TUSC3: variants seen among roughly 807,000 people sequenced by gnomAD.
TUSC3 encodes the protein dolichyl-diphosphooligosaccharide--protein glycosyltransferase subunit TUSC3.
In TUSC3, 45 loss-of-function variants were observed where a neutral mutation model predicts 44.8. That is an observed-to-expected ratio of 1.00 (90% CI 0.79 to 1.29). The LOEUF is 1.29. TUSC3 is among the 50% of genes most tolerant of loss of function. The probability of loss-of-function intolerance (pLI) is 0.00; values close to 1 mark genes in which losing one functional copy is unlikely to be tolerated. For missense variants in TUSC3, 519 were observed against 437.9 expected (o/e 1.19, Z -1.65); for synonymous variants, 212 against 152.9 (o/e 1.39, Z -2.85).
At chr8:15,465,008 C>A (rs1257653535) in intron 1 of TUSC3, among the ~76,000 whole-genome samples, 1 of 152,118 alleles carries the variant, frequency 6.6e-6, no homozygotes, top group East Asian at 1.9e-4. Context: ...TGCCACCATG[C>A]CCAGCTAATT....
chr8:15,788,520 C>A, the TUSC3 span, among the ~76,000 whole-genome samples: 1 of 143,354 alleles, frequency 7.0e-6, no homozygotes, highest in Non-Finnish European at 1.5e-5. Flanking sequence ...GCACTCCAGC[C>A]TGGGTGACAG....
At chr8:15,585,293 G>T (rs537058479) in intron 1 of TUSC3, among the ~76,000 whole-genome samples, 1 of 152,054 alleles carries the variant, frequency 6.6e-6, no homozygotes, top group East Asian at 1.9e-4. Context: ...CAAGAGAGAG[G>T]TACAGATTTG....
intron 2 of TUSC3, among the ~76,000 whole-genome samples, chr8:15,511,900 A>G (rs1300896346): frequency 6.6e-6 from 1 of 152,046 alleles, no homozygotes; most frequent in Non-Finnish European, 1.5e-5. Context: ...TGAATGGAGC[A>G]TGGATCAGTA....
chr8:15,472,247 C>T (rs1418272547), intron 1 of TUSC3, among the ~76,000 whole-genome samples: 1 of 152,074 alleles, frequency 6.6e-6, no homozygotes, highest in Non-Finnish European at 1.5e-5. Flanking sequence ...TGGTGAGCTT[C>T]CAAAATGTCT....
intron 1 of TUSC3, among the ~76,000 whole-genome samples, chr8:15,541,137 G>A (rs1184088368): frequency 6.6e-6 from 1 of 152,152 alleles, no homozygotes; most frequent in African/African-American, 2.4e-5. Context: ...TATCCTGTAT[G>A]TTTACTTTAC....
intron 6 of TUSC3, among the ~76,000 whole-genome samples, chr8:15,674,673 T>G (rs1299587685): frequency 6.6e-6 from 1 of 151,918 alleles, no homozygotes; most frequent in Admixed American, 6.6e-5. Context: ...CCCATATTTT[T>G]GGGAACATTT....
chr8:15,616,892 C>T (rs1174913209), intron 1 of TUSC3, among the ~76,000 whole-genome samples: 1 of 152,122 alleles, frequency 6.6e-6, no homozygotes, highest in Non-Finnish European at 1.5e-5. Context: ...CATAGAACTG[C>T]AGTTGGCACA....
At chr8:15,826,474 T>A in the TUSC3 span, among the ~76,000 whole-genome samples, 2 of 152,198 alleles carry the variant, frequency 1.3e-5, no homozygotes, top group Non-Finnish European at 2.9e-5. Flanking sequence ...TATATTAATA[T>A]ATTGCAACTA....
At chr8:15,797,601 G>A in the TUSC3 span, among the ~76,000 whole-genome samples, 1 of 152,184 alleles carries the variant, frequency 6.6e-6, no homozygotes, top group Non-Finnish European at 1.5e-5. Context: ...GGAAATTAAA[G>A]AACAGAAGCA....
intron 1 of TUSC3, among the ~76,000 whole-genome samples, chr8:15,438,093 G>A (rs1383733968): frequency 6.6e-6 from 1 of 152,130 alleles, no homozygotes; most frequent in East Asian, 1.9e-4. Flanking sequence ...TGTTGTCGAT[G>A]TGTGTTTTGT....
At chr8:15,800,418 C>T in the TUSC3 span, among the ~76,000 whole-genome samples, 2 of 151,888 alleles carry the variant, frequency 1.3e-5, no homozygotes, top group African/African-American at 4.8e-5. Flanking sequence ...ACAAAAAATA[C>T]ACAAATTAGC....
chr8:15,683,790 GT>G (rs773310344), intron 6 of TUSC3, among the ~76,000 whole-genome samples: 2 of 152,064 alleles, frequency 1.3e-5, no homozygotes, highest in South Asian at 4.1e-4. Context: ...ATTTGCTGTT[GT>G]TTTGTTGGGG....
chr8:15,840,495 A>C, the TUSC3 span, among the ~76,000 whole-genome samples: 3 of 152,208 alleles, frequency 2.0e-5, no homozygotes, highest in Admixed American at 1.3e-4. Context: ...AGGAGTAAAG[A>C]GCCTAGAAAG....
chr8:15,836,676 C>A, the TUSC3 span, among the ~76,000 whole-genome samples: 8 of 152,044 alleles, frequency 5.3e-5, no homozygotes, highest in Non-Finnish European at 1.2e-4. Flanking sequence ...TATCTATCTT[C>A]CTTCCACTTA....
chr8:15,724,341 T>C (rs1810418057), intron 6 of TUSC3, among the ~76,000 whole-genome samples: 1 of 152,124 alleles, frequency 6.6e-6, no homozygotes, highest in Non-Finnish European at 1.5e-5. Flanking sequence ...AAAAATAAAC[T>C]GAATCTGTCA....
chr8:15,562,231 C>T lies in TUSC3; in HGVS notation c.138+21663C>T, dbSNP rs142499021. Among the ~76,000 whole-genome samples the T allele has an allele frequency of 4.6e-4, 70 of 152,228 alleles. 1 individual carries two copies. The East Asian group carries it at 0.013, about 28-fold the overall frequency. ...TGTAGTGATTTACCAACACTGTTAT[C>T]TTACGGTTTTCTTCTGAGATGTTAT... On this transcript the variant is annotated intron_variant, in intron 1 of 10. Coordinates refer to ENST00000503731, the MANE Select transcript of TUSC3 (RefSeq NM_006765.4).
rs78810433 is a variant in TUSC3 at position 15,604,089 on chromosome 8, C to T, written c.139-18991C>T. ...TGCAGATAAATGACTTACCTATAAG[C>T]GTCAATATGCAGAGGTTTCTAAAAC... On this transcript the variant is annotated intron_variant, in intron 1 of 10. Transcript: ENST00000503731. 8.1e-3 allele frequency among the ~76,000 whole-genome samples: 1,232 copies of T among 151,554 alleles called. 14 individuals are homozygous for T. Among genetic ancestry groups the T allele is most frequent in the African/African-American group, 0.027 (1,104 of 41,400 alleles).
At chr8:15,640,563 T>G (rs1806318905) in intron 2 of TUSC3, among the ~76,000 whole-genome samples, 1 of 152,218 alleles carries the variant, frequency 6.6e-6, no homozygotes, top group African/African-American at 2.4e-5. Context: ...TTATTTAGTT[T>G]TTCAGATCTG....
chr8:15,779,296 A>G, the TUSC3 span, among the ~76,000 whole-genome samples: 3 of 152,192 alleles, frequency 2.0e-5, no homozygotes, highest in Non-Finnish European at 2.9e-5. Context: ...TTGAACTCCT[A>G]CCATGTAGCA....
Sources: allele counts gnomAD v4.1 joint callset (sites outside exome capture counted in the v4.1 genomes callset), GRCh38; gene constraint gnomAD v4.1.1; transcripts MANE v1.5; gene names NCBI Gene and HGNC (gene_info 2026-07-23, HGNC 2026-07-21).